Variants in APCDD1 observed in about 807,000 individuals in gnomAD.
APCDD1 encodes APC down-regulated 1.
In APCDD1, 15 loss-of-function variants were observed where a neutral mutation model predicts 38.1. That is an observed-to-expected ratio of 0.39 (90% CI 0.26 to 0.61). APCDD1 has a LOEUF of 0.61. Among genes scored for constraint, APCDD1 ranks in the 20% least tolerant of loss-of-function variants. The probability of loss-of-function intolerance (pLI) is 0.49; values close to 1 mark genes in which losing one functional copy is unlikely to be tolerated. For missense variants in APCDD1, 647 were observed against 696.2 expected (o/e 0.93, Z 0.79); for synonymous variants, 261 against 279.7 (o/e 0.93, Z 0.67).
rs373671953 is a variant in APCDD1, at chr18:10,485,945, T to C, written c.1096+162T>C. 6.6e-6 allele frequency among the ~76,000 whole-genome samples: 1 copy of C among 152,186 alleles called. No homozygotes were observed. The highest frequency in any genetic ancestry group is 2.4e-5 in the African/African-American group (1 of 41,438). ...CAGTCCTTCCCAACGCCCTCTGAGT[T>C]TCTCCCTGCTCAAAATGGATCAGGT... On this transcript the variant is annotated intron_variant, in intron 4 of 4. Transcript: ENST00000355285. This position sits in a 1 kb window ranked among gnomAD's most constrained non-coding sequence, Gnocchi z 5.8.
At chr18:10,460,662 C>A (rs1215217524) in intron 1 of APCDD1, among the ~76,000 whole-genome samples, 1 of 152,126 alleles carries the variant, frequency 6.6e-6, no homozygotes, top group African/African-American at 2.4e-5. Flanking sequence ...CTAAGAGATA[C>A]CTGAGCACAT....
Position 10,487,889 on chromosome 18 carries a change from T to G in APCDD1, c.1396T>G (p.Cys466Gly). Residue 466 changes from cysteine (C) to glycine (G), a missense_variant, in exon 5 of 5, where the codon TGT becomes GGT. Transcript: ENST00000355285. ...GTCCTACCAGATGCCCTTGGTCCAGTGTGCCTCCTCTTCGCCGAGGGCAGA... is the reference window on the plus strand; with the variant it reads ...GTCCTACCAGATGCCCTTGGTCCAGGGTGCCTCCTCTTCGCCGAGGGCAGA... The part of the protein sequence containing the change: ...ATSYQMPLVQ[C>G]ASSSPRAEDL... 1 of 1,613,508 alleles carries G rather than the reference T, an allele frequency of 6.2e-7. No homozygotes were observed. The highest frequency in any genetic ancestry group is 2.2e-5 in the East Asian group (1 of 44,874).
intron 3 of APCDD1, chr18:10,477,653 C>G (rs542933): frequency 0.21 from 32,184 of 152,120 alleles, 5,084 homozygotes; most frequent in African/African-American, 0.45. Flanking sequence ...CATGAGGAAA[C>G]CCTGCAAAAG....
In APCDD1 at chr18:10,470,886, C is replaced by T. The variant is rs1267499372; in HGVS notation, c.243-644C>T. Among the ~76,000 whole-genome samples, 1 of 152,172 alleles carries T rather than the reference C, an allele frequency of 6.6e-6. No homozygotes were observed. Among genetic ancestry groups the T allele is most frequent in the African/African-American group, 2.4e-5 (1 of 41,442 alleles). On this transcript the variant is annotated intron_variant, in intron 2 of 4. Transcript: ENST00000355285. The surrounding 1 kb of genome is among the most constrained non-coding windows in gnomAD (Gnocchi z 4.1). ...TGGCAACCATCATAAACAAAAGGAA[C>T]CCTTATTTCTGTTGTGCCAGCTTTG...
chr18:10,488,569 A>T lies in APCDD1; in HGVS notation c.*531A>T, dbSNP rs190711946. 1.2e-3 allele frequency: 189 copies of T among 153,130 alleles called. No homozygotes were observed. Among genetic ancestry groups the T allele is most frequent in the Non-Finnish European group, 2.1e-3 (141 of 68,722 alleles). The allele number at this position is 153,130 out of a possible 1,614,324, so 9.5% of individuals were successfully genotyped here. ...GAGACACAGGTGTAGATATGTATAT[A>T]CAAAAAGATGTACGGTCTGGCCAAA... On this transcript the variant is annotated 3_prime_UTR_variant, in exon 5 of 5. Transcript: ENST00000355285.
At chr18:10,486,712 T>G (rs2031256859) in intron 4 of APCDD1, among the ~76,000 whole-genome samples, 1 of 152,060 alleles carries the variant, frequency 6.6e-6, no homozygotes, top group South Asian at 2.1e-4. Context: ...TTTTTCCCCC[T>G]AAGTTTGAGC....
At position 10,470,407 on chromosome 18, in the gene APCDD1, C is replaced by G. The variant is rs1208718071; in HGVS notation, c.243-1123C>G. 6.6e-6 allele frequency among the ~76,000 whole-genome samples: 1 copy of G among 152,182 alleles called. No homozygotes were observed. The highest frequency in any genetic ancestry group is 1.5e-5 in the Non-Finnish European group (1 of 68,046). ...TTTATGTCCATAGGATGTTACTCGA[C>G]ATCAGTTGTCAAACGTTACATAGCA... is the stretch of plus-strand genomic sequence containing the variant. On this transcript the variant is annotated intron_variant, in intron 2 of 4. Coordinates refer to ENST00000355285, the MANE Select transcript of APCDD1 (RefSeq NM_153000.5). This position sits in a 1 kb window ranked among gnomAD's most constrained non-coding sequence, Gnocchi z 4.1.
At chr18:10,455,237 G>A (rs1354921464) in intron 1 of APCDD1, among the ~76,000 whole-genome samples, 198 bp downstream of exon 1, 2 of 152,172 alleles carry the variant, frequency 1.3e-5, no homozygotes, top group African/African-American at 2.4e-5. Flanking sequence ...GCTTGGGACC[G>A]CTCTCCCCCA....
chr18:10,458,430 A>G (rs1412727053), intron 1 of APCDD1, among the ~76,000 whole-genome samples: 1 of 152,266 alleles, frequency 6.6e-6, no homozygotes, highest in African/African-American at 2.4e-5. Flanking sequence ...TATTTTACTA[A>G]GGACAGTTTT....
At chr18:10,456,292 G>A (rs1294868525) in intron 1 of APCDD1, among the ~76,000 whole-genome samples, 1 of 152,178 alleles carries the variant, frequency 6.6e-6, no homozygotes, top group East Asian at 1.9e-4. Flanking sequence ...GGCAAAAAGA[G>A]AGAAGGTATA....
At chr18:10,486,979 A>G (rs1487840439) in intron 4 of APCDD1, among the ~76,000 whole-genome samples, 1 of 152,214 alleles carries the variant, frequency 6.6e-6, no homozygotes, top group South Asian at 2.1e-4. Flanking sequence ...ATCGTGTTAT[A>G]CACGGAAGTG....
At chr18:10,464,117 A>G (rs1318966549) in intron 1 of APCDD1, among the ~76,000 whole-genome samples, 1 of 152,050 alleles carries the variant, frequency 6.6e-6, no homozygotes, top group Non-Finnish European at 1.5e-5. Flanking sequence ...TTCTTCCATC[A>G]CTGGTTAAAA....
intron 1 of APCDD1, among the ~76,000 whole-genome samples, chr18:10,462,526 G>C (rs1598395050): frequency 4.1e-5 from 1 of 24,658 alleles, no homozygotes; most frequent in Non-Finnish European, 6.9e-5. Context: ...TCCTTCCTGT[G>C]ACCCTCCCTT....
At position 10,469,467 on chromosome 18, in the gene APCDD1, C is replaced by T. The variant is rs975683269; in HGVS notation, c.242+815C>T. On this transcript the variant is annotated intron_variant, in intron 2 of 4. Transcript: ENST00000355285. This position sits in a 1 kb window ranked among gnomAD's most constrained non-coding sequence, Gnocchi z 5.5. The stretch of plus-strand genomic sequence containing the variant: ...ATTTGTATAAACAACCTTCATGTTA[C>T]ATACTTTTAAAATATTTATCATTTT... 6.6e-6 allele frequency among the ~76,000 whole-genome samples: 1 copy of T among 152,194 alleles called. No individual in the cohort carries two copies. Among genetic ancestry groups the T allele is most frequent in the Non-Finnish European group, 1.5e-5 (1 of 68,032 alleles).
intron 3 of APCDD1, among the ~76,000 whole-genome samples, chr18:10,480,705 T>C (rs1419413170): frequency 8.7e-6 from 1 of 115,178 alleles, no homozygotes; most frequent in Non-Finnish European, 1.9e-5. Context: ...CTACAAAAAA[T>C]ACAAAAAAAA....
intron 1 of APCDD1, among the ~76,000 whole-genome samples, chr18:10,459,444 A>G (rs1437394491): frequency 1.3e-5 from 2 of 152,252 alleles, no homozygotes; most frequent in East Asian, 1.9e-4. Flanking sequence ...CCTGAGGACT[A>G]TGGCACTATA....
At position 10,454,743 on chromosome 18, in the gene APCDD1, G is replaced by A; in HGVS notation, c.-239G>A. The A allele has an allele frequency of 5.1e-6, 5 of 981,256 alleles. No individual in the cohort carries two copies. Among genetic ancestry groups the A allele is most frequent in the Non-Finnish European group, 6.0e-6 (5 of 828,494 alleles). 60.8% of individuals were successfully genotyped at this position (981,256 alleles called of 1,614,324 possible). A position where few individuals can be genotyped will look rare whatever the true frequency, so the allele number is the denominator to read the frequency against. ...CGGGCGCGGAGAAGTCGGGGCGGGC[G>A]GCAGAGAGGCCGGGACGCGGACCGG... is the stretch of plus-strand genomic sequence containing the variant. On this transcript the variant is annotated 5_prime_UTR_variant, in exon 1 of 5. Coordinates refer to ENST00000355285, the MANE Select transcript of APCDD1 (RefSeq NM_153000.5).
chr18:10,455,005 G>C lies in APCDD1; in HGVS notation c.24G>C (p.Leu8=). MSWPRRL[L]LRYLFPALLL... ...AAATGTCCTGGCCGCGCCGCCTCCT[G>C]CTCAGATACCTGTTCCCGGCCCTCC... Residue 8 remains leucine (L), a synonymous_variant, in exon 1 of 5, where the codon CTG becomes CTC. Transcript: ENST00000355285. 1 of 1,562,876 alleles carries C rather than the reference G, an allele frequency of 6.4e-7. No individual in the cohort carries two copies. Among genetic ancestry groups the C allele is most frequent in the South Asian group, 1.2e-5 (1 of 84,872 alleles).
intron 1 of APCDD1, among the ~76,000 whole-genome samples, chr18:10,463,147 C>T (rs546165075): frequency 6.6e-6 from 1 of 151,994 alleles, no homozygotes; most frequent in African/African-American, 2.4e-5. Context: ...TCCTGCCCCC[C>T]ATGCTTGAGT....
Sources: gnomAD v4.1 joint callset for allele counts (sites outside exome capture counted in the v4.1 genomes callset) on GRCh38, gnomAD v4.1.1 for gene constraint, Gnocchi (gnomAD v3.1) non-coding constraint, MANE v1.5 for transcripts, NCBI Gene and HGNC (gene_info 2026-07-23, HGNC 2026-07-21) for gene names.